NRG1: variants seen among roughly 807,000 people sequenced by gnomAD.
NRG1 encodes the protein neuregulin 1.
A neutral mutation model predicts 63.8 loss-of-function variants in NRG1; 18 were observed. That is an observed-to-expected ratio of 0.28 (90% CI 0.19 to 0.42). The LOEUF is 0.42. NRG1 is among the 10% of genes least tolerant of loss of function. NRG1 has a pLI of 1.00. For missense variants in NRG1, 762 were observed against 814.7 expected, an observed-to-expected ratio of 0.94 and a Z score of 0.79; for synonymous variants, 302 against 301.3, an observed-to-expected ratio of 1.00 and a Z score of -0.02.
At chr8:32,288,507 G>C (rs1451153500) in intron 1 of NRG1, among the ~76,000 whole-genome samples, 1 of 152,260 alleles carries the variant, frequency 6.6e-6, no homozygotes, top group East Asian at 1.9e-4. Context: ...AATTTGGAAA[G>C]CACATTTTCT....
intron 1 of NRG1, among the ~76,000 whole-genome samples, chr8:31,646,592 G>A (rs1804309068): frequency 6.6e-6 from 1 of 152,054 alleles, no homozygotes; most frequent in African/African-American, 2.4e-5. Context: ...AAAAATTGAG[G>A]GCATACTAAA....
In NRG1 at chr8:32,726,568, C is replaced by G. The variant is rs183375037; in HGVS notation, c.503-1381C>G. 3.9e-5 allele frequency among the ~76,000 whole-genome samples: 6 copies of G among 152,062 alleles called. No individual in the cohort carries two copies. In the East Asian group the frequency reaches 1.2e-3, roughly 29 times the overall value. ...CAATGAAAGGGGTCCAAAAACATGCCTTAGACAGGATAATAAGAGGTAAGC... is the reference window on the plus strand; with the variant it reads ...CAATGAAAGGGGTCCAAAAACATGCGTTAGACAGGATAATAAGAGGTAAGC... On this transcript the variant is annotated intron_variant, in intron 5 of 11. Transcript: ENST00000356819.
chr8:32,158,425 G>A (rs112126145), intron 1 of NRG1, among the ~76,000 whole-genome samples: 853 of 75,920 alleles, frequency 0.011, 29 homozygotes, highest in African/African-American at 0.03. Flanking sequence ...AGAGTTGTTC[G>A]TTTCTCTTTG....
chr8:32,220,651 T>A (rs1239483094), intron 1 of NRG1, among the ~76,000 whole-genome samples: 4 of 152,184 alleles, frequency 2.6e-5, no homozygotes, highest in Non-Finnish European at 5.9e-5. Context: ...TCCAAAAATA[T>A]CCTTCCCACC....
chr8:32,465,240 T>C (rs140223521), intron 1 of NRG1, among the ~76,000 whole-genome samples: 8 of 152,306 alleles, frequency 5.3e-5, no homozygotes, highest in African/African-American at 1.9e-4. Flanking sequence ...GAGAGGAATG[T>C]GATTATGCAA....
At chr8:32,666,168 G>T (rs1401796954) in intron 5 of NRG1, among the ~76,000 whole-genome samples, 2 of 152,136 alleles carry the variant, frequency 1.3e-5, no homozygotes, top group Non-Finnish European at 2.9e-5. Context: ...CTGGAACTTA[G>T]ATTTTTGTTC....
At chr8:31,652,231 G>T (rs1375654130) in intron 1 of NRG1, among the ~76,000 whole-genome samples, 1 of 152,168 alleles carries the variant, frequency 6.6e-6, no homozygotes, top group African/African-American at 2.4e-5. Flanking sequence ...ACATCCCACT[G>T]ATTCTACGTC....
intron 4 of NRG1, among the ~76,000 whole-genome samples, chr8:32,614,812 A>G (rs1847043003): frequency 6.6e-6 from 1 of 152,104 alleles, no homozygotes; most frequent in Non-Finnish European, 1.5e-5. Context: ...TCTAGGTGCA[A>G]CTTAATGACA....
At chr8:31,776,515 A>G (rs1819155017) in intron 1 of NRG1, among the ~76,000 whole-genome samples, 1 of 152,166 alleles carries the variant, frequency 6.6e-6, no homozygotes, top group Non-Finnish European at 1.5e-5. Context: ...CTGTTTGTTA[A>G]GGTCCAGGCC....
In NRG1 at chr8:31,841,150, G is replaced by A. The variant is rs1335620328; in HGVS notation, c.37+201719G>A. On this transcript the variant is annotated intron_variant, in intron 1 of 10. Transcript: ENST00000519301. ...GTTGGATCTCAAAAGAATTACTGAGGGTTGGAGGTTTGAGTGGCAGAAGAG... is the reference window on the plus strand; with the variant it reads ...GTTGGATCTCAAAAGAATTACTGAGAGTTGGAGGTTTGAGTGGCAGAAGAG... Among the ~76,000 whole-genome samples, 4 of 152,026 alleles carry A rather than the reference G, an allele frequency of 2.6e-5. No homozygotes were observed. The South Asian group carries it at 8.3e-4, about 32-fold the overall frequency.
intron 1 of NRG1, among the ~76,000 whole-genome samples, chr8:32,049,905 G>A (rs1821695772): frequency 6.6e-6 from 1 of 152,064 alleles, no homozygotes; most frequent in South Asian, 2.1e-4. Context: ...TTTACATCAG[G>A]CAGAGGTGGG....
At chr8:31,952,457 A>G (rs1342661551) in intron 1 of NRG1, among the ~76,000 whole-genome samples, 1 of 152,216 alleles carries the variant, frequency 6.6e-6, no homozygotes, top group Non-Finnish European at 1.5e-5. Flanking sequence ...TCAGGGGAGC[A>G]GAGTATGTCT....
chr8:31,997,885 G>A (rs1296914136), intron 1 of NRG1, among the ~76,000 whole-genome samples: 2 of 151,906 alleles, frequency 1.3e-5, no homozygotes, highest in Non-Finnish European at 2.9e-5. Flanking sequence ...CGCAAATAAG[G>A]AAACATAGAA....
intron 5 of NRG1, among the ~76,000 whole-genome samples, chr8:32,696,614 C>T (rs1307663196): frequency 2.6e-5 from 4 of 151,282 alleles, no homozygotes; most frequent in African/African-American, 7.3e-5. Context: ...AGTAAAGCCT[C>T]GTGATTCTTT....
chr8:32,717,213 G>C (rs1339342185), intron 5 of NRG1, among the ~76,000 whole-genome samples: 1 of 152,006 alleles, frequency 6.6e-6, no homozygotes, highest in Non-Finnish European at 1.5e-5. Context: ...ATTATGACCA[G>C]CTAGTCCTGG....
intron 1 of NRG1, among the ~76,000 whole-genome samples, chr8:32,450,244 A>C (rs529927498): frequency 6.6e-6 from 1 of 152,256 alleles, no homozygotes; most frequent in Admixed American, 6.5e-5. Flanking sequence ...CAGGTTGATA[A>C]AGAATTAAAT....
At chr8:32,707,447 G>A (rs1043548378) in intron 5 of NRG1, among the ~76,000 whole-genome samples, 1 of 151,984 alleles carries the variant, frequency 6.6e-6, no homozygotes, top group Non-Finnish European at 1.5e-5. Context: ...AGCAATTGAG[G>A]GGAGAAGGAA....
chr8:32,525,391 GGTGT>G (rs200594879), intron 1 of NRG1, among the ~76,000 whole-genome samples: 14,517 of 145,750 alleles, frequency 0.1, 814 homozygotes, highest in Admixed American at 0.17. Flanking sequence ...ATGAGGTAGG[GGTGT>G]GTGTGTGTGT....
chr8:32,153,823 C>G lies in NRG1; in HGVS notation c.38-442005C>G, dbSNP rs1408863749. ...TCAAAAGAAATCTAAGCAGGAGAAC[C>G]AAAATCCATTGGTGGAACCAAAAAA... is the stretch of plus-strand genomic sequence containing the variant. On this transcript the variant is annotated intron_variant, in intron 1 of 10. Transcript: ENST00000519301. Among the ~76,000 whole-genome samples the G allele has an allele frequency of 3.9e-5, 6 of 152,182 alleles. No individual in the cohort carries two copies. In the South Asian group the frequency reaches 6.2e-4, roughly 16 times the overall value.
Sources: allele counts gnomAD v4.1 joint callset (sites outside exome capture counted in the v4.1 genomes callset), GRCh38; gene constraint gnomAD v4.1.1; transcripts MANE v1.5; gene names NCBI Gene and HGNC (gene_info 2026-07-23, HGNC 2026-07-21).